The following GALNTL5 variants were observed in gnomAD, a reference collection of about 807,000 sequenced individuals.
GALNTL5 encodes the protein polypeptide N-acetylgalactosaminyltransferase like 5, also known as inactive polypeptide N-acetylgalactosaminyltransferase-like protein 5.
Under a neutral mutation model 51.0 loss-of-function variants are expected in GALNTL5, and 44 were observed. The ratio of observed to expected loss-of-function variants is 0.86; its 90% CI spans 0.68 to 1.11. The LOEUF (loss-of-function observed/expected upper bound fraction) is 1.11, where lower values mean the gene tolerates loss of function less well. Ranked by LOEUF, GALNTL5 falls within the 50% of genes least tolerant of loss-of-function variation. GALNTL5 has a pLI of 0.00. For missense variants in GALNTL5, 528 were observed against 531.8 expected (o/e 0.99, Z 0.07); for synonymous variants, 192 against 182.8 (o/e 1.05, Z -0.41).
At chr7:151,963,169 T>C (rs1362382808) in intron 1 of GALNTL5, among the ~76,000 whole-genome samples, 2 of 152,236 alleles carry the variant, frequency 1.3e-5, no homozygotes, top group Non-Finnish European at 2.9e-5. Context: ...TCTCATTCAT[T>C]ATATGGGGCA....
chr7:152,010,849 C>T (rs2081727349), intron 7 of GALNTL5, among the ~76,000 whole-genome samples: 1 of 151,972 alleles, frequency 6.6e-6, no homozygotes, highest in South Asian at 2.1e-4. Context: ...AGAACCTAGC[C>T]TTCTCTTGGG....
chr7:151,969,831 G>A (rs1049743895), intron 2 of GALNTL5, among the ~76,000 whole-genome samples: 4 of 152,176 alleles, frequency 2.6e-5, no homozygotes, highest in Non-Finnish European at 5.9e-5. Flanking sequence ...TTTTGAGATG[G>A]AGTCTCGCTC....
At position 152,007,880 on chromosome 7, in the gene GALNTL5, A is replaced by C. The variant is rs2081669988; in HGVS notation, c.962A>C (p.Glu321Ala). The C allele has an allele frequency of 2.5e-6, 4 of 1,613,368 alleles. No homozygotes were observed. The East Asian group carries it at 8.9e-5, about 36-fold the overall frequency. Residue 321 changes from glutamate to alanine, a missense_variant, in exon 7 of 9, where the codon GAA becomes GCA. By Grantham distance (107) the Glu-to-Ala change is moderately radical. Transcript: ENST00000392800. ...GCTATACGTCGGCATTATTTTAATG[A>C]AATTGGACAGTATGACAAGGATATG... is the stretch of plus-strand genomic sequence containing the variant. ...IFAIRRHYFN[E>A]IGQYDKDMDF...
At chr7:152,009,162 G>A (rs2081695939) in intron 7 of GALNTL5, among the ~76,000 whole-genome samples, 1 of 152,086 alleles carries the variant, frequency 6.6e-6, no homozygotes. Context: ...CTTGACACTG[G>A]CAGCTGTCTC....
chr7:152,019,014 T>C (rs1586861995), intron 8 of GALNTL5, among the ~76,000 whole-genome samples: 2 of 152,364 alleles, frequency 1.3e-5, no homozygotes, highest in African/African-American at 4.8e-5. Flanking sequence ...ACATTCATTC[T>C]TGGGGCTTCC....
Position 152,015,182 on chromosome 7 carries a change from C to T in GALNTL5, c.1176+389C>T, listed in dbSNP as rs185445933. Among the ~76,000 whole-genome samples the T allele has an allele frequency of 3.9e-5, 6 of 152,288 alleles. No homozygotes were observed. The East Asian group carries it at 7.7e-4, about 20-fold the overall frequency. The stretch of plus-strand genomic sequence containing the variant: ...AGTTCATCCTAAGCTGCTACTCTTA[C>T]ATCTCATTATTTTTGTTTTAATTTC... On this transcript the variant is annotated intron_variant, in intron 8 of 8. Coordinates refer to ENST00000392800, the MANE Select transcript of GALNTL5 (RefSeq NM_145292.4).
intron 5 of GALNTL5, among the ~76,000 whole-genome samples, chr7:151,994,367 T>G (rs1173533137): frequency 6.6e-6 from 1 of 152,186 alleles, no homozygotes; most frequent in Non-Finnish European, 1.5e-5. Context: ...GGAGACGGGT[T>G]TTCACGTGAT....
intron 6 of GALNTL5, among the ~76,000 whole-genome samples, chr7:152,005,934 G>C (rs770134779): frequency 6.6e-6 from 1 of 152,192 alleles, no homozygotes; most frequent in Non-Finnish European, 1.5e-5. Context: ...AGAGAGGTCA[G>C]GGCTGGAGGC....
intron 1 of GALNTL5, among the ~76,000 whole-genome samples, chr7:151,958,822 G>A (rs73473865): frequency 1.3e-5 from 2 of 152,344 alleles, no homozygotes; most frequent in African/African-American, 4.8e-5. Context: ...GCAAGGCAGA[G>A]AAGGGTTTTA....
intron 7 of GALNTL5, among the ~76,000 whole-genome samples, chr7:152,013,833 G>T (rs2081770364): frequency 6.6e-6 from 1 of 152,206 alleles, no homozygotes; most frequent in Admixed American, 6.5e-5. Flanking sequence ...GTTAGGACAA[G>T]AAGTGAATTG....
chr7:151,997,877 A>G (rs1007471603), intron 5 of GALNTL5, among the ~76,000 whole-genome samples: 2 of 152,218 alleles, frequency 1.3e-5, no homozygotes, highest in African/African-American at 4.8e-5. Flanking sequence ...CAAATAAATT[A>G]TAACTGGATT....
chr7:151,979,553 G>A lies in GALNTL5; in HGVS notation c.369-3433G>A, dbSNP rs1292890813. Reference sequence around the variant, plus strand: ...TGGCTCACTGCAACCTCCACCTCCCGGGTTCAAGAGATTCTCCTGCCTCAG... The same window carrying A: ...TGGCTCACTGCAACCTCCACCTCCCAGGTTCAAGAGATTCTCCTGCCTCAG... On this transcript the variant is annotated intron_variant, in intron 3 of 8. Coordinates refer to ENST00000392800, the MANE Select transcript of GALNTL5 (RefSeq NM_145292.4). Among the ~76,000 whole-genome samples the A allele has an allele frequency of 8.6e-5, 13 of 151,478 alleles. No individual in the cohort carries two copies. In the South Asian group the frequency reaches 1.9e-3, roughly 22 times the overall value.
rs182474876 is a variant in GALNTL5, at chr7:152,000,139, T to C, written c.659-2575T>C. On this transcript the variant is annotated intron_variant, in intron 5 of 8. Coordinates refer to ENST00000392800, the MANE Select transcript of GALNTL5 (RefSeq NM_145292.4). Reference sequence around the variant, plus strand: ...GAAAATCAAAAGGATAAAAAGACTGTGACCAGCTGTAGAACAAAGGACACT... The same window carrying C: ...GAAAATCAAAAGGATAAAAAGACTGCGACCAGCTGTAGAACAAAGGACACT... 5.3e-5 allele frequency among the ~76,000 whole-genome samples: 8 copies of C among 152,356 alleles called. No homozygotes were observed. The East Asian group carries it at 1.5e-3, about 29-fold the overall frequency.
intron 4 of GALNTL5, among the ~76,000 whole-genome samples, chr7:151,985,489 T>A (rs1360197480): frequency 6.6e-6 from 1 of 152,054 alleles, no homozygotes; most frequent in Non-Finnish European, 1.5e-5. Context: ...GACAATTTCT[T>A]CAACAAAACC....
intron 5 of GALNTL5, among the ~76,000 whole-genome samples, chr7:151,999,947 G>A (rs11765654): frequency 0.61 from 92,067 of 152,036 alleles, 27,965 homozygotes; most frequent in Admixed American, 0.65. Context: ...GGCTCAGCCA[G>A]ATTGAGTCAT....
At chr7:152,007,750 A>T in intron 6 of GALNTL5, 77 bp from the exon 7 acceptor site, 1 of 868,690 alleles carries the variant, frequency 1.2e-6, no homozygotes. Flanking sequence ...AGTTATTACT[A>T]ATTTAATATA....
intron 7 of GALNTL5, 110 bp from the exon 8 acceptor site, chr7:152,014,534 C>A: frequency 9.3e-7 from 1 of 1,073,196 alleles, no homozygotes; most frequent in East Asian, 2.6e-5. Context: ...TCCCAAAATG[C>A]TGGGATTACA....
intron 2 of GALNTL5, among the ~76,000 whole-genome samples, chr7:151,968,411 C>G (rs1452037662): frequency 6.6e-6 from 1 of 152,174 alleles, no homozygotes; most frequent in Non-Finnish European, 1.5e-5. Context: ...CACAGGCCTA[C>G]TATTTCTGTG....
chr7:151,987,304 G>A (rs1159590925), intron 5 of GALNTL5, 23 bp downstream of exon 5: 5 of 1,542,480 alleles, frequency 3.2e-6, no homozygotes, highest in Non-Finnish European at 4.3e-6. Flanking sequence ...CTGGGGACAA[G>A]AGCCAGTGAC....
Sources: allele counts gnomAD v4.1 joint callset (sites outside exome capture counted in the v4.1 genomes callset), GRCh38; gene constraint gnomAD v4.1.1; transcripts MANE v1.5; gene names NCBI Gene and HGNC (gene_info 2026-07-23, HGNC 2026-07-21).